IGF2BP2: variants seen among roughly 807,000 people sequenced by gnomAD.
The protein encoded by IGF2BP2 is insulin-like growth factor 2 mRNA-binding protein 2.
IGF2BP2 carries 17 observed loss-of-function variants against 75.8 expected under a neutral mutation model. That is an observed-to-expected ratio of 0.22 (90% CI 0.15 to 0.34). The LOEUF (loss-of-function observed/expected upper bound fraction) is 0.34, where lower values mean the gene tolerates loss of function less well. Ranked by LOEUF, IGF2BP2 falls within the 10% of genes least tolerant of loss-of-function variation. IGF2BP2 has a pLI of 1.00. For synonymous variants in IGF2BP2, 288 were observed against 295.6 expected (o/e 0.97, Z 0.26); for missense variants, 516 against 772.4 (o/e 0.67, Z 3.93).
rs1741853929 is a variant in IGF2BP2, at chr3:185,825,014, C to T, written c.-54G>A. The T allele has an allele frequency of 7.3e-7, 1 of 1,371,746 alleles. No homozygotes were observed. The highest frequency in any genetic ancestry group is 1.5e-5 in the African/African-American group (1 of 67,444). The allele number at this position is 1,371,746 out of a possible 1,614,324, so 85.0% of individuals were successfully genotyped here. ...CCCCGGCCCGGTACCCGGCGCTCCTCGCCTCCTCCGCTGCCCTCGTCTCTC... is the reference window on the plus strand; with the variant it reads ...CCCCGGCCCGGTACCCGGCGCTCCTTGCCTCCTCCGCTGCCCTCGTCTCTC... On this transcript the variant is annotated 5_prime_UTR_variant, in exon 1 of 16. Coordinates refer to ENST00000382199, the MANE Select transcript of IGF2BP2 (RefSeq NM_006548.6).
rs750625947 is a variant in IGF2BP2 at position 185,689,643 on chromosome 3, A to C, written c.405-16T>G. ...CTCCATGGCTCTGAAATGCAGCAGG[A>C]CAGGGGAGCTTCGTCAGAAACCAAC... On this transcript the variant is annotated splice_polypyrimidine_tract_variant and intron_variant, in intron 5 of 15. Coordinates refer to ENST00000382199, the MANE Select transcript of IGF2BP2 (RefSeq NM_006548.6). 1.9e-6 allele frequency: 3 copies of C among 1,613,946 alleles called. No individual in the cohort carries two copies. Among genetic ancestry groups the C allele is most frequent in the Non-Finnish European group, 8.5e-7 (1 of 1,179,874 alleles).
chr3:185,758,738 T>C (rs985919789), intron 2 of IGF2BP2, among the ~76,000 whole-genome samples: 14 of 152,212 alleles, frequency 9.2e-5, no homozygotes, highest in African/African-American at 3.1e-4. Flanking sequence ...CACTAAAGGC[T>C]AGGTAATGTG....
chr3:185,665,169 TAAA>T (rs869141172), intron 10 of IGF2BP2, among the ~76,000 whole-genome samples: 10 of 96,758 alleles, frequency 1.0e-4, no homozygotes, highest in Admixed American at 3.8e-4. Context: ...CCCTGTTTCT[TAAA>T]AAAAAAAAAA....
At chr3:185,739,555 G>A (rs531147658) in intron 2 of IGF2BP2, among the ~76,000 whole-genome samples, 3 of 152,296 alleles carry the variant, frequency 2.0e-5, no homozygotes, top group African/African-American at 7.2e-5. Flanking sequence ...CCGGAATGCA[G>A]CTGAATTTGG....
At chr3:185,774,956 CT>C (rs1245950397) in intron 2 of IGF2BP2, among the ~76,000 whole-genome samples, 1 of 151,592 alleles carries the variant, frequency 6.6e-6, no homozygotes, top group Non-Finnish European at 1.5e-5. Context: ...GGAGGCGGGG[CT>C]TGCAGTGAGC....
chr3:185,783,528 G>A (rs536569015), intron 2 of IGF2BP2, among the ~76,000 whole-genome samples: 1 of 152,344 alleles, frequency 6.6e-6, no homozygotes, highest in Non-Finnish European at 1.5e-5. Flanking sequence ...AAGTCTATGA[G>A]AGCCGTTACT....
At chr3:185,730,219 C>G (rs948329468) in intron 2 of IGF2BP2, among the ~76,000 whole-genome samples, 1 of 152,074 alleles carries the variant, frequency 6.6e-6, no homozygotes, top group African/African-American at 2.4e-5. Flanking sequence ...TGAGAACATG[C>G]AGTATTTGAG....
Position 185,645,541 on chromosome 3 carries a change from C to T in IGF2BP2, c.1790G>A (p.Arg597His), listed in dbSNP as rs769366559. Residue 597 changes from arginine (R) to histidine (H), a missense_variant, in exon 16 of 16, where the codon CGC becomes CAC. Physicochemically the swap from Arg to His is conservative, Grantham distance 29. Coordinates refer to ENST00000382199, the MANE Select transcript of IGF2BP2 (RefSeq NM_006548.6). This position sits in a 1 kb window ranked among gnomAD's most constrained non-coding sequence, Gnocchi z 4.9. ...QKYPQGVASQ[R>H]SK Reference sequence around the variant, plus strand: ...GTGCCTGTGGGAGCCTCACTTGCTGCGCTGTGAGGCGACTCCCTGAGGGTA... The same window carrying T: ...GTGCCTGTGGGAGCCTCACTTGCTGTGCTGTGAGGCGACTCCCTGAGGGTA... The T allele has an allele frequency of 9.3e-6, 15 of 1,607,726 alleles. No homozygotes were observed. Among genetic ancestry groups the T allele is most frequent in the Middle Eastern group, 1.7e-4 (1 of 6,032 alleles).
intron 2 of IGF2BP2, among the ~76,000 whole-genome samples, chr3:185,772,209 CGATACTACAAAAATGTTTA>C (rs1733969098): frequency 1.3e-5 from 2 of 151,956 alleles, no homozygotes; most frequent in Non-Finnish European, 2.9e-5. Flanking sequence ...AATGCCTGGC[CGATACTACAAAAATGTTTA>C]GATACTCAAA....
Position 185,645,464 on chromosome 3 carries a change from G to A in IGF2BP2, c.*67C>T. On this transcript the variant is annotated 3_prime_UTR_variant, in exon 16 of 16. Transcript: ENST00000382199. The surrounding 1 kb of genome is among the most constrained non-coding windows in gnomAD (Gnocchi z 4.9). ...GCTCCCGATCTGGCTGGCTGCGTTT[G>A]GTCTCATTCTGTCAGGTGTTGGAAG... is the stretch of plus-strand genomic sequence containing the variant. 1 of 1,115,364 alleles carries A rather than the reference G, an allele frequency of 9.0e-7. No individual in the cohort carries two copies. Among genetic ancestry groups the A allele is most frequent in the East Asian group, 2.3e-5 (1 of 42,604 alleles). 69.1% of individuals were successfully genotyped at this position (1,115,364 alleles called of 1,614,324 possible). A position where few individuals can be genotyped will look rare whatever the true frequency, so the allele number is the denominator to read the frequency against.
At chr3:185,823,108 A>G (rs774904824) in intron 2 of IGF2BP2, 45 bp downstream of exon 2, 45 of 1,334,316 alleles carry the variant, frequency 3.4e-5, no homozygotes, top group Non-Finnish European at 4.7e-5. Context: ...TTTTACTTAT[A>G]CGTAAGGCCA....
chr3:185,700,640 G>T (rs1723161351), intron 2 of IGF2BP2, among the ~76,000 whole-genome samples: 1 of 152,092 alleles, frequency 6.6e-6, no homozygotes, highest in South Asian at 2.1e-4. Flanking sequence ...TATTTCTAAA[G>T]AAAAATATTT....
At chr3:185,687,307 C>G in intron 6 of IGF2BP2, 116 bp from the exon 7 acceptor site, 1 of 1,075,420 alleles carries the variant, frequency 9.3e-7, no homozygotes, top group Middle Eastern at 2.1e-4. Flanking sequence ...AAGGAGGCGT[C>G]ATCAGCACGT....
intron 2 of IGF2BP2, among the ~76,000 whole-genome samples, chr3:185,799,210 G>A (rs1162647756): frequency 6.6e-6 from 1 of 151,792 alleles, no homozygotes; most frequent in African/African-American, 2.4e-5. Flanking sequence ...GACCAGCCCA[G>A]GTAAAATAGC....
chr3:185,647,239 A>AG lies in IGF2BP2; in HGVS notation c.1594-102dup. ...GGCCAAGAGGTGGAGCAGGGGAAGGAGGGGGGCTGGACTCTGCTCTCCTTT... is the reference window on the plus strand; with the variant it reads ...GGCCAAGAGGTGGAGCAGGGGAAGGAGGGGGGGCTGGACTCTGCTCTCCTTT... On this transcript the variant is annotated intron_variant, in intron 14 of 15. Transcript: ENST00000382199. The surrounding 1 kb of genome is among the most constrained non-coding windows in gnomAD (Gnocchi z 4.9). 1.2e-6 allele frequency: 1 copy of AG among 849,974 alleles called. No individual in the cohort carries two copies. The highest frequency in any genetic ancestry group is 2.0e-6 in the Non-Finnish European group (1 of 493,112). The allele number at this position is 849,974 out of a possible 1,614,324, so 52.7% of individuals were successfully genotyped here.
chr3:185,657,252 A>G, intron 12 of IGF2BP2, 34 bp downstream of exon 12: 1 of 1,472,522 alleles, frequency 6.8e-7, no homozygotes, highest in East Asian at 2.3e-5. Flanking sequence ...AGGAGGTGGT[A>G]GAAGGGCCAC....
chr3:185,665,416 G>GAT (rs1717287236), intron 10 of IGF2BP2, among the ~76,000 whole-genome samples: 2 of 117,484 alleles, frequency 1.7e-5, no homozygotes, highest in South Asian at 3.3e-4. Context: ...GGAAAAGGAG[G>GAT]AGAAGGAGAA....
chr3:185,710,449 C>A (rs1724641866), intron 2 of IGF2BP2, among the ~76,000 whole-genome samples: 1 of 152,088 alleles, frequency 6.6e-6, no homozygotes, highest in South Asian at 2.1e-4. Context: ...TAAAAAAAGA[C>A]TGGCCAGGAG....
intron 2 of IGF2BP2, among the ~76,000 whole-genome samples, chr3:185,822,072 T>C (rs1334108686): frequency 6.6e-6 from 1 of 152,196 alleles, no homozygotes; most frequent in Non-Finnish European, 1.5e-5. Context: ...AAAGTTATTC[T>C]GTTGCTTACT....
Sources: allele counts gnomAD v4.1 joint callset (sites outside exome capture counted in the v4.1 genomes callset), GRCh38; gene constraint gnomAD v4.1.1; non-coding constraint Gnocchi (gnomAD v3.1); transcripts MANE v1.5; gene names NCBI Gene and HGNC (gene_info 2026-07-23, HGNC 2026-07-21).